CHD5: variants seen among roughly 807,000 people sequenced by gnomAD.
CHD5 encodes the protein ATP-dependent chromatin remodeler CHD5.
In CHD5, 69 loss-of-function variants were observed where a neutral mutation model predicts 230.3. That is an observed-to-expected ratio of 0.30 (90% CI 0.25 to 0.37). The LOEUF (loss-of-function observed/expected upper bound fraction) is 0.37, where lower values mean the gene tolerates loss of function less well. CHD5 is among the 10% of genes least tolerant of loss of function. CHD5 has a pLI of 1.00. For synonymous variants in CHD5, 1,064 were observed against 1,065.9 expected, an observed-to-expected ratio of 1.00 and a Z score of 0.03; for missense variants, 1,827 against 2,622.8, an observed-to-expected ratio of 0.70 and a Z score of 6.63.
rs753214687 is a variant in CHD5, at chr1:6,146,617, G to A, written c.1590+48C>T. 6 of 1,587,370 alleles carry A rather than the reference G, an allele frequency of 3.8e-6. No individual in the cohort carries two copies. The highest frequency in any genetic ancestry group is 1.3e-5 in the African/African-American group (1 of 74,256). ...TCCCGCCAGCCCAGGAGGGTCCAGGGCTCACCAGGTCCCGGGCCTTAGCAC... is the reference window on the plus strand; with the variant it reads ...TCCCGCCAGCCCAGGAGGGTCCAGGACTCACCAGGTCCCGGGCCTTAGCAC... On this transcript the variant is annotated intron_variant, in intron 10 of 41. Coordinates refer to ENST00000262450, the MANE Select transcript of CHD5 (RefSeq NM_015557.3). This position sits in a 1 kb window ranked among gnomAD's most constrained non-coding sequence, Gnocchi z 5.1.
chr1:6,134,330 G>A lies in CHD5; in HGVS notation c.3013-71C>T, dbSNP rs1010749867. 4.5e-5 allele frequency: 70 copies of A among 1,550,770 alleles called. No homozygotes were observed. Among genetic ancestry groups the A allele is most frequent in the Non-Finnish European group, 5.7e-5 (65 of 1,138,636 alleles). On this transcript the variant is annotated intron_variant, in intron 19 of 41. Transcript: ENST00000262450. This position sits in a 1 kb window ranked among gnomAD's most constrained non-coding sequence, Gnocchi z 6.3. Reference sequence around the variant, plus strand: ...TCTCTGACTCTGCACCAAAGGGGCCGCAGGGAACAGACAAGTGCTGAGCAA... The same window carrying A: ...TCTCTGACTCTGCACCAAAGGGGCCACAGGGAACAGACAAGTGCTGAGCAA...
At chr1:6,178,968 C>T (rs1667466516) in intron 1 of CHD5, among the ~76,000 whole-genome samples, 1 of 152,154 alleles carries the variant, frequency 6.6e-6, no homozygotes, top group African/African-American at 2.4e-5. Flanking sequence ...AGACTTGGCG[C>T]AGGGAAGCCG....
At chr1:6,124,394 C>G in intron 30 of CHD5, 123 bp downstream of exon 30, 1 of 1,169,100 alleles carries the variant, frequency 8.6e-7, no homozygotes. Context: ...TGGAGTGACT[C>G]GGACCCTGGG....
intron 2 of CHD5, among the ~76,000 whole-genome samples, chr1:6,160,733 A>G (rs1667164154): frequency 6.6e-6 from 1 of 152,190 alleles, no homozygotes; most frequent in African/African-American, 2.4e-5. Context: ...TCCATATGAG[A>G]CAAGGTAATT....
At chr1:6,114,046 G>A (rs148280318) in intron 33 of CHD5, among the ~76,000 whole-genome samples, 7 of 152,244 alleles carry the variant, frequency 4.6e-5, no homozygotes, top group Non-Finnish European at 7.4e-5. Flanking sequence ...TCAGGAGTTC[G>A]AGACCAGCCT....
rs1666647431 is a variant in CHD5, at chr1:6,130,992, C to T, written c.3262+639G>A. 6.6e-6 allele frequency among the ~76,000 whole-genome samples: 1 copy of T among 152,274 alleles called. No homozygotes were observed. Among genetic ancestry groups the T allele is most frequent in the South Asian group, 2.1e-4 (1 of 4,838 alleles). ...TCTGGCACAAGTGTTTGAGAGGAAT[C>T]ACTGCTTTGGGCGTTTGGAGAGCGT... On this transcript the variant is annotated intron_variant, in intron 21 of 41. Coordinates refer to ENST00000262450, the MANE Select transcript of CHD5 (RefSeq NM_015557.3). This position sits in a 1 kb window ranked among gnomAD's most constrained non-coding sequence, Gnocchi z 4.9.
chr1:6,155,636 TG>T lies in CHD5; in HGVS notation c.468del (p.His156GlnfsTer3). 6.2e-7 allele frequency: 1 copy of T among 1,614,004 alleles called. No homozygotes were observed. The highest frequency in any genetic ancestry group is 8.5e-7 in the Non-Finnish European group (1 of 1,179,964). Reference protein sequence around the residue: ...VDYLFSEEDYHTLTNYKAFSQ... With the variant: ...VDYLFSEEDYXTLTNYKAFSQ... ...CTGAAGGCCTTGTAGTTGGTCAGCG[TG>T]TGGTAATCCTCCTCCGAGAACAGGT... On this transcript the variant is annotated frameshift_variant, in exon 4 of 42. Coordinates refer to ENST00000262450, the MANE Select transcript of CHD5 (RefSeq NM_015557.3). LOFTEE classifies it high-confidence loss of function. This position sits in a 1 kb window ranked among gnomAD's most constrained non-coding sequence, Gnocchi z 4.0.
intron 1 of CHD5, among the ~76,000 whole-genome samples, chr1:6,173,166 G>A (rs185371755): frequency 1.8e-3 from 271 of 150,518 alleles, no homozygotes; most frequent in Non-Finnish European, 2.8e-3. Context: ...GTGCAGTGGC[G>A]CGATCTCGGC....
chr1:6,133,092 T>C (rs1666684122), intron 20 of CHD5, among the ~76,000 whole-genome samples: 1 of 152,150 alleles, frequency 6.6e-6, no homozygotes, highest in Non-Finnish European at 1.5e-5. Flanking sequence ...TTTATTGTTT[T>C]GGGGGATGTC....
intron 9 of CHD5, among the ~76,000 whole-genome samples, chr1:6,148,174 A>G (rs1666940692): frequency 6.6e-6 from 1 of 152,224 alleles, no homozygotes; most frequent in Non-Finnish European, 1.5e-5. Flanking sequence ...GGCACAGCCC[A>G]GGACCTGAGG....
Position 6,134,812 on chromosome 1 carries a change from G to A in CHD5, c.2918C>T (p.Ser973Phe), listed in dbSNP as rs1024604852. ...CGATACTTGGTTCCCGCCCCCCTTG[G>A]AGTTCAGTGCCTCAAAGTTCCGTGT... Reference protein sequence around the residue: ...ILTRNFEALNSKGGGNQVSLL... With the variant: ...ILTRNFEALNFKGGGNQVSLL... The change falls in exon 19 of 42, where the codon TCC becomes TTC. Residue 973 changes from serine (S) to phenylalanine (F), a missense_variant. By Grantham distance (155) the Ser-to-Phe change is radical. Transcript: ENST00000262450. The surrounding 1 kb of genome is among the most constrained non-coding windows in gnomAD (Gnocchi z 6.3). 3 of 1,614,124 alleles carry A rather than the reference G, an allele frequency of 1.9e-6. No homozygotes were observed. Among genetic ancestry groups the A allele is most frequent in the Non-Finnish European group, 2.5e-6 (3 of 1,179,998 alleles).
Position 6,110,464 on chromosome 1 carries a change from G to A in CHD5, c.5312C>T (p.Pro1771Leu), listed in dbSNP as rs773387477. 1 of 1,614,064 alleles carries A rather than the reference G, an allele frequency of 6.2e-7. No individual in the cohort carries two copies. Among genetic ancestry groups the A allele is most frequent in the Non-Finnish European group, 8.5e-7 (1 of 1,180,028 alleles). ...NDPRYMILNE[P>L]FKSEVHKGNY... ...GCCCTTGTGGACCTCAGACTTGAAGGGCTCGTTGAGGATCATGTACCGTGG... is the reference window on the plus strand; with the variant it reads ...GCCCTTGTGGACCTCAGACTTGAAGAGCTCGTTGAGGATCATGTACCGTGG... The change falls in exon 37 of 42, where the codon CCC (proline) becomes CTC (leucine). Residue 1771 changes from proline (P) to leucine (L), a missense_variant. Coordinates refer to ENST00000262450, the MANE Select transcript of CHD5 (RefSeq NM_015557.3).
At position 6,167,976 on chromosome 1, in the gene CHD5, C is replaced by G. The variant is rs1415183437; in HGVS notation, c.207+174G>C. Among the ~76,000 whole-genome samples, 2 of 152,182 alleles carry G rather than the reference C, an allele frequency of 1.3e-5. No homozygotes were observed. Among genetic ancestry groups the G allele is most frequent in the African/African-American group, 4.8e-5 (2 of 41,434 alleles). On this transcript the variant is annotated intron_variant, in intron 2 of 41. Transcript: ENST00000262450. The surrounding 1 kb of genome is among the most constrained non-coding windows in gnomAD (Gnocchi z 4.5). ...ACAGCTCAGCAACGTCTTAAAAAGG[C>G]TTCCGTGCACAACGCTTCATACGAG... is the stretch of plus-strand genomic sequence containing the variant.
At chr1:6,123,909 T>G (rs2100841622) in intron 31 of CHD5, 39 bp downstream of exon 31, 1 of 1,387,118 alleles carries the variant, frequency 7.2e-7, no homozygotes, top group South Asian at 1.7e-5. Flanking sequence ...CCACTTTCCA[T>G]GACCCCAGTG....
Position 6,146,320 on chromosome 1 carries a change from C to T in CHD5, c.1694G>A (p.Ser565Asn). The stretch of plus-strand genomic sequence containing the variant: ...GGGGTCCTTGTTCTTCCTCTTCTCG[C>T]TCTTGCCGTCTTCATCCCCAGAGCC... ...DYGSGDEDGK[S>N]EKRKNKDPLY... Residue 565 changes from serine to asparagine, a missense_variant, in exon 11 of 42, where the codon AGC becomes AAC. Transcript: ENST00000262450. This position sits in a 1 kb window ranked among gnomAD's most constrained non-coding sequence, Gnocchi z 5.1. The T allele has an allele frequency of 6.2e-7, 1 of 1,614,190 alleles. No individual in the cohort carries two copies. The highest frequency in any genetic ancestry group is 8.5e-7 in the Non-Finnish European group (1 of 1,180,012).
chr1:6,160,234 A>G (rs1667150188), intron 2 of CHD5, among the ~76,000 whole-genome samples: 1 of 79,468 alleles, frequency 1.3e-5, no homozygotes, highest in Admixed American at 1.0e-4. Context: ...CAGCCAGAGA[A>G]GGGCCCCAGC....
At position 6,128,784 on chromosome 1, in the gene CHD5, T is replaced by C; in HGVS notation, c.3619+54A>G. 1 of 1,486,804 alleles carries C rather than the reference T, an allele frequency of 6.7e-7. No homozygotes were observed. Among genetic ancestry groups the C allele is most frequent in the South Asian group, 1.2e-5 (1 of 86,512 alleles). The allele number at this position is 1,486,804 out of a possible 1,614,324, so 92.1% of individuals were successfully genotyped here. The stretch of plus-strand genomic sequence containing the variant: ...GACCCAAGCAAGCCCTGGATGGGTG[T>C]CTCAGCCGGGCCACCCCAGTCCCCT... On this transcript the variant is annotated intron_variant, in intron 23 of 41. Transcript: ENST00000262450. The surrounding 1 kb of genome is among the most constrained non-coding windows in gnomAD (Gnocchi z 7.8).
intron 1 of CHD5, among the ~76,000 whole-genome samples, chr1:6,174,338 C>G (rs1433609648): frequency 6.6e-6 from 1 of 152,166 alleles, no homozygotes; most frequent in Non-Finnish European, 1.5e-5. Context: ...GTACCCAGCT[C>G]AGAGAAGATA....
In CHD5 at chr1:6,128,360, CTG is replaced by C; in HGVS notation, c.3730+137_3730+138del. The C allele has an allele frequency of 8.9e-7, 1 of 1,117,472 alleles. No homozygotes were observed. Among genetic ancestry groups the C allele is most frequent in the Non-Finnish European group, 1.3e-6 (1 of 769,908 alleles). The allele number at this position is 1,117,472 out of a possible 1,614,324, so 69.2% of individuals were successfully genotyped here. On this transcript the variant is annotated intron_variant, in intron 24 of 41. Transcript: ENST00000262450. The surrounding 1 kb of genome is among the most constrained non-coding windows in gnomAD (Gnocchi z 7.8). ...AGGCATGGTGACCAGACAGAGGAAA[CTG>C]CGCTGTAACAGCCCCACTCGCCGCC...
Sources: gnomAD v4.1 joint callset for allele counts (sites outside exome capture counted in the v4.1 genomes callset) on GRCh38, gnomAD v4.1.1 for gene constraint, Gnocchi (gnomAD v3.1) non-coding constraint, MANE v1.5 for transcripts, NCBI Gene and HGNC (gene_info 2026-07-23, HGNC 2026-07-21) for gene names.